IL23R: variants seen among roughly 807,000 people sequenced by gnomAD.
The protein encoded by IL23R is interleukin 23 receptor.
Under a neutral mutation model 56.9 loss-of-function variants are expected in IL23R, and 34 were observed. That is an observed-to-expected ratio of 0.60 (90% CI 0.45 to 0.80). IL23R has a LOEUF of 0.80. IL23R is among the 30% of genes least tolerant of loss of function. The probability of loss-of-function intolerance (pLI) is 0.00; values close to 1 mark genes in which losing one functional copy is unlikely to be tolerated. For missense variants in IL23R, 635 were observed against 730.0 expected, an observed-to-expected ratio of 0.87 and a Z score of 1.50; for synonymous variants, 230 against 249.2, an observed-to-expected ratio of 0.92 and a Z score of 0.73.
At chr1:67,203,477 T>C (rs1018221780) in intron 5 of IL23R, among the ~76,000 whole-genome samples, 4 of 151,812 alleles carry the variant, frequency 2.6e-5, no homozygotes, top group African/African-American at 9.7e-5. Flanking sequence ...TCCTTCTTTC[T>C]CTTTCCCTCC....
chr1:67,214,203 C>T (rs889356763), intron 6 of IL23R, among the ~76,000 whole-genome samples: 2 of 152,150 alleles, frequency 1.3e-5, no homozygotes, highest in Non-Finnish European at 2.9e-5. Context: ...AGAAAATAAA[C>T]ATCTCAGAGA....
In IL23R at chr1:67,206,249, A is replaced by C. The variant is rs996230033; in HGVS notation, c.653-661A>C. Among the ~76,000 whole-genome samples the C allele has an allele frequency of 9.2e-5, 14 of 152,148 alleles. No homozygotes were observed. In the South Asian group the frequency reaches 2.7e-3, roughly 29 times the overall value. On this transcript the variant is annotated intron_variant, in intron 5 of 10. Transcript: ENST00000347310. Reference sequence around the variant, plus strand: ...GGCTGGTCTCAAACTCCTGACCTTAAGTGATCTGCCCACCTCGGCCTCCCA... The same window carrying C: ...GGCTGGTCTCAAACTCCTGACCTTACGTGATCTGCCCACCTCGGCCTCCCA...
chr1:67,209,891 A>T (rs1321208344), intron 6 of IL23R, among the ~76,000 whole-genome samples: 1 of 152,228 alleles, frequency 6.6e-6, no homozygotes, highest in East Asian at 1.9e-4. Flanking sequence ...ACTAAGAGGA[A>T]TCTAATTAGC....
At chr1:67,179,504 C>G (rs576616779) in intron 3 of IL23R, among the ~76,000 whole-genome samples, 41 of 152,072 alleles carry the variant, frequency 2.7e-4, no homozygotes, top group Non-Finnish European at 2.6e-4. Flanking sequence ...TGATGCTTCT[C>G]TCTTTTCTTC....
intron 9 of IL23R, among the ~76,000 whole-genome samples, chr1:67,255,599 C>A (rs888437312): frequency 6.6e-6 from 1 of 151,942 alleles, no homozygotes. Flanking sequence ...CCACCACACC[C>A]AGCTAATTTT....
chr1:67,215,715 T>C (rs779996065), intron 6 of IL23R, among the ~76,000 whole-genome samples: 4 of 152,180 alleles, frequency 2.6e-5, no homozygotes, highest in Non-Finnish European at 5.9e-5. Context: ...GAGAGGAAGA[T>C]GGTAGCATCT....
In IL23R at chr1:67,158,981, TATC is replaced by T. The variant is rs67122002; in HGVS notation, c.-633-9106_-633-9104del. Among the ~76,000 whole-genome samples, 137 of 17,660 alleles carry T rather than the reference TATC, an allele frequency of 7.8e-3. 53 individuals are homozygous for T. Among genetic ancestry groups the T allele is most frequent in the East Asian group, 0.091 (2 of 22 alleles). The allele number at this position is 17,660 out of a possible 152,430, so 11.6% of individuals were successfully genotyped here. ...CAGTGATTGATAGTGAGACTATCACTATCATCAGTGATTGATAGTGAGACTATC... is the reference window on the plus strand; with the variant it reads ...CAGTGATTGATAGTGAGACTATCACTATCAGTGATTGATAGTGAGACTATC... On this transcript the variant is annotated intron_variant, in intron 1 of 10. Coordinates refer to the IL23R transcript ENST00000637002.
At chr1:67,158,551 G>T (rs1646790035) in intron 1 of IL23R, among the ~76,000 whole-genome samples, 1 of 152,164 alleles carries the variant, frequency 6.6e-6, no homozygotes, top group Non-Finnish European at 1.5e-5. Context: ...ACAGGTTGTT[G>T]CCATGAAAAG....
rs1647034086 is a variant in IL23R at position 67,177,992 on chromosome 1, C to G, written c.368-4844C>G. ...ATTGGTCTATATATCTGTTTTGGTA[C>G]CAGTATCCTGCTGTTTTTGTTACTG... On this transcript the variant is annotated intron_variant, in intron 3 of 10. Coordinates refer to ENST00000347310, the MANE Select transcript of IL23R (RefSeq NM_144701.3). Among the ~76,000 whole-genome samples the G allele has an allele frequency of 2.0e-5, 3 of 151,410 alleles. No homozygotes were observed. In the South Asian group the frequency reaches 6.2e-4, roughly 31 times the overall value.
intron 9 of IL23R, among the ~76,000 whole-genome samples, chr1:67,245,962 C>T (rs570279156): frequency 6.6e-6 from 1 of 152,052 alleles, no homozygotes; most frequent in African/African-American, 2.4e-5. Flanking sequence ...GATTGGTAGG[C>T]TATTAATTAC....
chr1:67,207,772 A>G (rs916887260), intron 6 of IL23R: 2 of 201,652 alleles, frequency 9.9e-6, no homozygotes, highest in Non-Finnish European at 2.0e-5. Context: ...ATGGATTAAT[A>G]CAGTAAATTG....
intron 9 of IL23R, among the ~76,000 whole-genome samples, chr1:67,249,282 C>T (rs1044918882): frequency 2.0e-5 from 3 of 152,110 alleles, no homozygotes; most frequent in Admixed American, 6.5e-5. Flanking sequence ...CTAAATGATA[C>T]GAATTTAAAG....
chr1:67,236,221 T>C (rs1402901650), intron 7 of IL23R, among the ~76,000 whole-genome samples: 3 of 152,218 alleles, frequency 2.0e-5, no homozygotes, highest in Non-Finnish European at 4.4e-5. Context: ...AACACCAAAG[T>C]GCCTGCTAAC....
downstream of IL23R, among the ~76,000 whole-genome samples, chr1:67,262,030 A>G (rs1040671850): frequency 6.6e-5 from 10 of 152,200 alleles, no homozygotes; most frequent in African/African-American, 2.2e-4. Context: ...AATGGGAGCA[A>G]TGTACCTGCC....
intron 9 of IL23R, among the ~76,000 whole-genome samples, chr1:67,242,278 C>T (rs928851286): frequency 2.0e-5 from 3 of 152,174 alleles, no homozygotes; most frequent in South Asian, 2.1e-4. Context: ...TAAAATTTCT[C>T]ACCTGCATTG....
At chr1:67,175,591 C>T (rs1375852031) in intron 3 of IL23R, among the ~76,000 whole-genome samples, 4 of 152,146 alleles carry the variant, frequency 2.6e-5, no homozygotes, top group Non-Finnish European at 5.9e-5. Context: ...CAATGTTTTT[C>T]CTTTAGGGTC....
At chr1:67,262,951 G>A (rs549949274), downstream of IL23R, among the ~76,000 whole-genome samples, 5 of 151,946 alleles carry the variant, frequency 3.3e-5, no homozygotes, top group Admixed American at 6.6e-5. Context: ...AAGGAATATC[G>A]TTTCCTCCTG....
At position 67,255,694 on chromosome 1, in the gene IL23R, C is replaced by T. The variant is rs183777648; in HGVS notation, c.1149-143C>T. The stretch of plus-strand genomic sequence containing the variant: ...ACTCAAGCAATCCTCCCACCTCAGC[C>T]TCCCAAAGTGCTGGGATTACAGGCA... On this transcript the variant is annotated intron_variant, in intron 9 of 10. Transcript: ENST00000347310. 4.8e-5 allele frequency: 27 copies of T among 560,734 alleles called. No homozygotes were observed. In the Admixed American group the frequency reaches 6.0e-4, roughly 12 times the overall value. The allele number at this position is 560,734 out of a possible 1,614,324, so 34.7% of individuals were successfully genotyped here. A position where few individuals can be genotyped will look rare whatever the true frequency, so the allele number is the denominator to read the frequency against.
At chr1:67,148,115 T>C (rs1570754690) in intron 1 of IL23R, among the ~76,000 whole-genome samples, 1 of 152,228 alleles carries the variant, frequency 6.6e-6, no homozygotes, top group Non-Finnish European at 1.5e-5. Context: ...GAAGGAACAA[T>C]GGCGAGCCTC....
Sources: gnomAD v4.1 joint callset for allele counts (sites outside exome capture counted in the v4.1 genomes callset) on GRCh38, gnomAD v4.1.1 for gene constraint, MANE v1.5 for transcripts, NCBI Gene and HGNC (gene_info 2026-07-23, HGNC 2026-07-21) for gene names.